The following KIRREL3 variants were observed in gnomAD, a reference collection of about 807,000 sequenced individuals.
KIRREL3 encodes the protein kirre like nephrin family adhesion molecule 3.
In KIRREL3, 36 loss-of-function variants were observed where a neutral mutation model predicts 89.7. The ratio of observed to expected loss-of-function variants is 0.40; its 90% CI spans 0.31 to 0.53. The LOEUF (loss-of-function observed/expected upper bound fraction) is 0.53. KIRREL3 is among the 20% of genes least tolerant of loss of function. KIRREL3 has a pLI of 0.49. For missense variants in KIRREL3, 864 were observed against 1,056.6 expected (o/e 0.82, Z 2.53); for synonymous variants, 445 against 441.4 (o/e 1.01, Z -0.10).
At chr11:126,467,636 T>G (rs1283818273) in intron 5 of KIRREL3, among the ~76,000 whole-genome samples, 2 of 145,390 alleles carry the variant, frequency 1.4e-5, no homozygotes, top group Admixed American at 6.6e-5. Flanking sequence ...TCCCTTTTTT[T>G]TTTTTTTTAA....
chr11:126,987,611 G>A lies in KIRREL3; in HGVS notation c.55+12844C>T, dbSNP rs926316531. On this transcript the variant is annotated intron_variant, in intron 1 of 16. Coordinates refer to ENST00000525144, the MANE Select transcript of KIRREL3 (RefSeq NM_032531.4). The surrounding 1 kb of genome is among the most constrained non-coding windows in gnomAD (Gnocchi z 4.6). ...AAACAAAGCTCATGCCCAGAGAAAGGAGCATTGATATGGATTTGGAACCCA... is the reference window on the plus strand; with the variant it reads ...AAACAAAGCTCATGCCCAGAGAAAGAAGCATTGATATGGATTTGGAACCCA... Among the ~76,000 whole-genome samples the A allele has an allele frequency of 3.3e-5, 5 of 152,170 alleles. No homozygotes were observed. Among genetic ancestry groups the A allele is most frequent in the Admixed American group, 6.5e-5 (1 of 15,272 alleles).
In KIRREL3 at chr11:126,653,668, A is replaced by G. The variant is rs779932189; in HGVS notation, c.56-90756T>C. Among the ~76,000 whole-genome samples the G allele has an allele frequency of 4.6e-5, 7 of 152,140 alleles. No homozygotes were observed. Among genetic ancestry groups the G allele is most frequent in the Non-Finnish European group, 7.4e-5 (5 of 68,006 alleles). On this transcript the variant is annotated intron_variant, in intron 1 of 16. Transcript: ENST00000525144. This position sits in a 1 kb window ranked among gnomAD's most constrained non-coding sequence, Gnocchi z 5.4. ...CCCGACTCTCTCCTGGCAGCATTCA[A>G]TGTGACACGCCAGGGCAATGAGAAA... is the stretch of plus-strand genomic sequence containing the variant.
intron 1 of KIRREL3, among the ~76,000 whole-genome samples, chr11:126,971,455 G>A (rs533483784): frequency 1.3e-5 from 2 of 152,254 alleles, no homozygotes; most frequent in South Asian, 2.1e-4. Context: ...TTTATGTTCT[G>A]TTCGGGGTGT....
At chr11:126,613,893 T>TTTTTTTTTTTCG (rs371748740) in intron 1 of KIRREL3, among the ~76,000 whole-genome samples, 1 of 118,644 alleles carries the variant, frequency 8.4e-6, no homozygotes, top group Non-Finnish European at 1.7e-5. Flanking sequence ...TTTTTTTTTT[T>TTTTTTTTTTTCG]ATTTTTTTCC....
intron 1 of KIRREL3, among the ~76,000 whole-genome samples, chr11:126,963,553 C>G (rs1949164221): frequency 6.6e-6 from 1 of 152,136 alleles, no homozygotes; most frequent in Non-Finnish European, 1.5e-5. Flanking sequence ...GACGAACCAT[C>G]CTCTCCACTT....
At chr11:126,662,674 C>T (rs1025699591) in intron 1 of KIRREL3, among the ~76,000 whole-genome samples, 5 of 152,162 alleles carry the variant, frequency 3.3e-5, no homozygotes, top group African/African-American at 2.4e-5. Context: ...AATACTGTCA[C>T]GTTGGCAACA....
chr11:126,947,511 AT>A (rs774797116), intron 1 of KIRREL3, among the ~76,000 whole-genome samples: 73 of 152,358 alleles, frequency 4.8e-4, no homozygotes, highest in Non-Finnish European at 8.7e-4. Flanking sequence ...GCCCCTTCCT[AT>A]CTTGAAACCA....
Position 126,431,225 on chromosome 11 carries a change from C to A in KIRREL3, c.1696+194G>T. 6.6e-7 allele frequency: 1 copy of A among 1,509,620 alleles called. No individual in the cohort carries two copies. Among genetic ancestry groups the A allele is most frequent in the Non-Finnish European group, 8.9e-7 (1 of 1,123,958 alleles). The allele number at this position is 1,509,620 out of a possible 1,614,324, so 93.5% of individuals were successfully genotyped here. On this transcript the variant is annotated intron_variant, in intron 14 of 16. Coordinates refer to ENST00000525144, the MANE Select transcript of KIRREL3 (RefSeq NM_032531.4). The surrounding 1 kb of genome is among the most constrained non-coding windows in gnomAD (Gnocchi z 7.1). ...CTAGTCCAGGTCAACCTCAGCCTAG[C>A]GCCCACTCTGCCAGGCGCCATGTTG...
intron 1 of KIRREL3, among the ~76,000 whole-genome samples, chr11:126,712,040 G>A (rs1592001936): frequency 1.3e-5 from 2 of 152,182 alleles, no homozygotes; most frequent in East Asian, 3.8e-4. Flanking sequence ...GCCTTCTGCC[G>A]TCAGCCAGCC....
rs1442489038 is a variant in KIRREL3 at position 126,708,237 on chromosome 11, T to C, written c.56-145325A>G. Among the ~76,000 whole-genome samples, 1 of 152,186 alleles carries C rather than the reference T, an allele frequency of 6.6e-6. No individual in the cohort carries two copies. ...TTTCCTGGCAGTTTACAATGTTATA[T>C]TGCTACCAAAGCGGGCAAAATGAGG... On this transcript the variant is annotated intron_variant, in intron 1 of 16. Transcript: ENST00000525144. The surrounding 1 kb of genome is among the most constrained non-coding windows in gnomAD (Gnocchi z 5.7).
rs1196655100 is a variant in KIRREL3, at chr11:126,643,658, T to C, written c.56-80746A>G. On this transcript the variant is annotated intron_variant, in intron 1 of 16. Coordinates refer to ENST00000525144, the MANE Select transcript of KIRREL3 (RefSeq NM_032531.4). This position sits in a 1 kb window ranked among gnomAD's most constrained non-coding sequence, Gnocchi z 4.5. ...CATAACTGTGGTTTAGGAAGATCAA[T>C]GTGGCAACACAATGAGTAGGATTGT... 6.6e-6 allele frequency among the ~76,000 whole-genome samples: 1 copy of C among 152,210 alleles called. No individual in the cohort carries two copies. Among genetic ancestry groups the C allele is most frequent in the African/African-American group, 2.4e-5 (1 of 41,454 alleles).
chr11:126,914,720 C>T lies in KIRREL3; in HGVS notation c.55+85735G>A, dbSNP rs150268893. ...GCAAAGATGCTGAGACTTTCACTTT[C>T]ATGTTTGAATGAAAATATCTTAGTG... On this transcript the variant is annotated intron_variant, in intron 1 of 16. Coordinates refer to ENST00000525144, the MANE Select transcript of KIRREL3 (RefSeq NM_032531.4). Among the ~76,000 whole-genome samples, 47 of 152,342 alleles carry T rather than the reference C, an allele frequency of 3.1e-4. No homozygotes were observed. In the Middle Eastern group the frequency reaches 0.01, roughly 33 times the overall value.
At position 126,782,195 on chromosome 11, in the gene KIRREL3, C is replaced by G. The variant is rs1460968791; in HGVS notation, c.55+218260G>C. On this transcript the variant is annotated intron_variant, in intron 1 of 16. Coordinates refer to ENST00000525144, the MANE Select transcript of KIRREL3 (RefSeq NM_032531.4). This position sits in a 1 kb window ranked among gnomAD's most constrained non-coding sequence, Gnocchi z 4.1. ...TGTGATCTTTCAGCCCCTCTTCCCTCCCGTCCCTACTCTAGAGGCCACGAG... is the reference window on the plus strand; with the variant it reads ...TGTGATCTTTCAGCCCCTCTTCCCTGCCGTCCCTACTCTAGAGGCCACGAG... Among the ~76,000 whole-genome samples, 1 of 152,188 alleles carries G rather than the reference C, an allele frequency of 6.6e-6. No homozygotes were observed. The highest frequency in any genetic ancestry group is 6.5e-5 in the Admixed American group (1 of 15,282).
Position 126,523,796 on chromosome 11 carries a change from G to T in KIRREL3, c.284-2332C>A, listed in dbSNP as rs540114426. Among the ~76,000 whole-genome samples the T allele has an allele frequency of 6.6e-6, 1 of 152,164 alleles. No homozygotes were observed. On this transcript the variant is annotated intron_variant, in intron 3 of 16. Transcript: ENST00000525144. This position sits in a 1 kb window ranked among gnomAD's most constrained non-coding sequence, Gnocchi z 4.9. ...TCTGGATCCCACTATCCTGTGATTA[G>T]TCCCTGGTCTCCTGCAGGCATCTTG...
chr11:126,726,462 G>T (rs1465351216), intron 1 of KIRREL3, among the ~76,000 whole-genome samples: 1 of 152,066 alleles, frequency 6.6e-6, no homozygotes, highest in Non-Finnish European at 1.5e-5. Context: ...CCTCCTCCTG[G>T]GTTCAAGCGA....
chr11:126,532,161 C>T (rs916076752), intron 2 of KIRREL3, among the ~76,000 whole-genome samples: 2 of 152,106 alleles, frequency 1.3e-5, no homozygotes, highest in African/African-American at 2.4e-5. Flanking sequence ...TATAGATGAA[C>T]CAAGGCTCAC....
chr11:126,954,299 T>A lies in KIRREL3; in HGVS notation c.55+46156A>T, dbSNP rs1489815886. On this transcript the variant is annotated intron_variant, in intron 1 of 16. Coordinates refer to ENST00000525144, the MANE Select transcript of KIRREL3 (RefSeq NM_032531.4). This position sits in a 1 kb window ranked among gnomAD's most constrained non-coding sequence, Gnocchi z 4.1. ...AAAAGCCCTGCCTCACAGTTGACATTTTATTTTATAGTCACGTTAGAGTTG... is the reference window on the plus strand; with the variant it reads ...AAAAGCCCTGCCTCACAGTTGACATATTATTTTATAGTCACGTTAGAGTTG... Among the ~76,000 whole-genome samples, 1 of 152,064 alleles carries A rather than the reference T, an allele frequency of 6.6e-6. No homozygotes were observed. Among genetic ancestry groups the A allele is most frequent in the Non-Finnish European group, 1.5e-5 (1 of 67,996 alleles).
At chr11:126,968,095 C>T (rs1158362835) in intron 1 of KIRREL3, among the ~76,000 whole-genome samples, 3 of 152,146 alleles carry the variant, frequency 2.0e-5, no homozygotes, top group Admixed American at 6.5e-5. Context: ...AAGTTAATAG[C>T]TAAATGTAGA....
intron 1 of KIRREL3, among the ~76,000 whole-genome samples, chr11:126,868,302 C>G (rs1944990792): frequency 6.6e-6 from 1 of 152,046 alleles, no homozygotes. Flanking sequence ...GAGGGCTTGG[C>G]TGTGTGGGGC....
Sources: gnomAD v4.1 joint callset for allele counts (sites outside exome capture counted in the v4.1 genomes callset) on GRCh38, gnomAD v4.1.1 for gene constraint, Gnocchi (gnomAD v3.1) non-coding constraint, MANE v1.5 for transcripts, NCBI Gene and HGNC (gene_info 2026-07-23, HGNC 2026-07-21) for gene names.